TBC1D19: variants seen among roughly 807,000 people sequenced by gnomAD.
TBC1D19 encodes the protein TBC1 domain family member 19.
Under a neutral mutation model 89.0 loss-of-function variants are expected in TBC1D19, and 60 were observed. The ratio of observed to expected loss-of-function variants is 0.67; its 90% CI spans 0.55 to 0.84. The LOEUF (loss-of-function observed/expected upper bound fraction) is 0.84, where lower values mean the gene tolerates loss of function less well. Ranked by LOEUF, TBC1D19 falls within the 40% of genes least tolerant of loss-of-function variation. The probability of loss-of-function intolerance (pLI) is 0.00; values close to 1 mark genes in which losing one functional copy is unlikely to be tolerated. For synonymous variants in TBC1D19, 189 were observed against 199.7 expected (o/e 0.95, Z 0.45); for missense variants, 500 against 610.8 (o/e 0.82, Z 1.91).
chr4:26,816,088 T>G, the TBC1D19 span, among the ~76,000 whole-genome samples: 1 of 152,156 alleles, frequency 6.6e-6, no homozygotes, highest in Admixed American at 6.5e-5. Flanking sequence ...TCACGTGCCT[T>G]TGGTTATACC....
At chr4:26,613,506 T>C (rs1416036752) in intron 2 of TBC1D19, among the ~76,000 whole-genome samples, 2 of 152,172 alleles carry the variant, frequency 1.3e-5, no homozygotes, top group African/African-American at 4.8e-5. Context: ...TCTTGGATAC[T>C]CTTGTAAGGC....
At chr4:26,806,911 G>A in the TBC1D19 span, among the ~76,000 whole-genome samples, 4 of 152,168 alleles carry the variant, frequency 2.6e-5, no homozygotes, top group Non-Finnish European at 4.4e-5. Flanking sequence ...AGGAAGGGTC[G>A]TCTCCTAGAG....
intron 8 of TBC1D19, among the ~76,000 whole-genome samples, chr4:26,662,413 C>T (rs989489620): frequency 4.0e-5 from 6 of 151,506 alleles, no homozygotes; most frequent in African/African-American, 1.5e-4. Context: ...AAGCAAAAAG[C>T]CAAAGAAATG....
chr4:26,777,521 C>T, the TBC1D19 span, among the ~76,000 whole-genome samples: 1 of 152,220 alleles, frequency 6.6e-6, no homozygotes, highest in African/African-American at 2.4e-5. Flanking sequence ...TCACTGTAAC[C>T]TCCGCCTCCT....
chr4:26,786,362 C>T, the TBC1D19 span, among the ~76,000 whole-genome samples: 16 of 152,244 alleles, frequency 1.1e-4, no homozygotes, highest in South Asian at 6.2e-4. Flanking sequence ...CAGCCGGGCA[C>T]GGTGGCTCAC....
chr4:26,841,385 CAAAA>C, the TBC1D19 span, among the ~76,000 whole-genome samples: 4 of 110,256 alleles, frequency 3.6e-5, no homozygotes, highest in Admixed American at 8.9e-5. Context: ...GACTCTGTCT[CAAAA>C]AAAAAAAAAA....
the TBC1D19 span, among the ~76,000 whole-genome samples, chr4:26,781,050 CACTT>C: frequency 3.3e-5 from 5 of 152,246 alleles, no homozygotes; most frequent in South Asian, 2.1e-4. Context: ...TTCTTGCTCT[CACTT>C]ACTATTTTCA....
chr4:26,834,330 C>T, the TBC1D19 span, among the ~76,000 whole-genome samples: 108,274 of 152,106 alleles, frequency 0.71, 39,249 homozygotes, highest in South Asian at 0.81. Flanking sequence ...TGATAATGCC[C>T]TGTGGTCATA....
intron 13 of TBC1D19, among the ~76,000 whole-genome samples, chr4:26,715,467 G>T (rs1200767086): frequency 6.6e-6 from 1 of 152,080 alleles, no homozygotes; most frequent in Admixed American, 6.6e-5. Flanking sequence ...TGGAGACGAG[G>T]ATACCAAAGG....
chr4:26,613,238 T>C lies in TBC1D19; in HGVS notation c.169T>C (p.Ser57Pro), dbSNP rs754659031. 5.8e-6 allele frequency: 9 copies of C among 1,559,374 alleles called. No homozygotes were observed. The highest frequency in any genetic ancestry group is 7.8e-6 in the Non-Finnish European group (9 of 1,146,988). ...KEDIKEFFKI[S>P]GWEKKLQNAV... is the part of the protein sequence containing the mutation. ...AGATATTAAGGAATTCTTTAAAATA[T>C]CAGGTTTGTAAGTTTTTCCTAATAA... The change falls in exon 2 of 21, where the codon TCA becomes CCA. Residue 57 changes from serine (S) to proline (P), a missense_variant. Coordinates refer to ENST00000264866, the MANE Select transcript of TBC1D19 (RefSeq NM_018317.4).
the TBC1D19 span, among the ~76,000 whole-genome samples, chr4:26,835,782 A>G: frequency 6.6e-6 from 1 of 152,172 alleles, no homozygotes. Context: ...CGTTTCTACT[A>G]TAAACCTTCA....
chr4:26,640,057 C>A, intron 6 of TBC1D19, 84 bp from the exon 7 acceptor site: 1 of 934,916 alleles, frequency 1.1e-6, no homozygotes, highest in Non-Finnish European at 1.7e-6. Flanking sequence ...TGTATGATAA[C>A]ATGTGAAAGA....
At chr4:26,671,238 T>C (rs1712275213) in intron 9 of TBC1D19, among the ~76,000 whole-genome samples, 1 of 151,768 alleles carries the variant, frequency 6.6e-6, no homozygotes, top group African/African-American at 2.4e-5. Flanking sequence ...GCTATTGTGG[T>C]GGTTGTGTAT....
At chr4:26,628,623 C>T (rs183810646) in intron 4 of TBC1D19, among the ~76,000 whole-genome samples, 1 of 152,136 alleles carries the variant, frequency 6.6e-6, no homozygotes, top group Admixed American at 6.6e-5. Flanking sequence ...CTGTCTCAGC[C>T]CAAAATCTCC....
intron 7 of TBC1D19, among the ~76,000 whole-genome samples, chr4:26,643,358 A>G (rs2110084425): frequency 6.6e-6 from 1 of 152,372 alleles, no homozygotes; most frequent in African/African-American, 2.4e-5. Flanking sequence ...AGGCAGAAAT[A>G]AAGATGCTCT....
intron 12 of TBC1D19, among the ~76,000 whole-genome samples, chr4:26,686,418 G>GTTT (rs935540080): frequency 7.0e-6 from 1 of 142,486 alleles, no homozygotes; most frequent in Non-Finnish European, 1.6e-5. Context: ...TTTGTGTTTT[G>GTTT]TTTTTTTTTT....
In TBC1D19 at chr4:26,734,900, A is replaced by G. The variant is rs573319901; in HGVS notation, c.1085-555A>G. Among the ~76,000 whole-genome samples, 27 of 151,736 alleles carry G rather than the reference A, an allele frequency of 1.8e-4. No individual in the cohort carries two copies. In the South Asian group the frequency reaches 5.6e-3, roughly 32 times the overall value. ...TGTATATGTATACGTATGTGTGTGTATATATACACACATGTGTACATACAC... is the reference window on the plus strand; with the variant it reads ...TGTATATGTATACGTATGTGTGTGTGTATATACACACATGTGTACATACAC... On this transcript the variant is annotated intron_variant, in intron 15 of 20. Transcript: ENST00000264866.
chr4:26,692,914 G>A (rs1478652199), intron 13 of TBC1D19, among the ~76,000 whole-genome samples: 3 of 152,152 alleles, frequency 2.0e-5, no homozygotes, highest in African/African-American at 7.2e-5. Context: ...ATCTGGCTGT[G>A]ATATCGAGAA....
chr4:26,621,810 G>GT (rs1043623304), intron 4 of TBC1D19, among the ~76,000 whole-genome samples: 30 of 150,666 alleles, frequency 2.0e-4, no homozygotes, highest in African/African-American at 3.9e-4. Context: ...AGAATTGTGG[G>GT]TTTTTTTTTG....
Sources: gnomAD v4.1 joint callset for allele counts (sites outside exome capture counted in the v4.1 genomes callset) on GRCh38, gnomAD v4.1.1 for gene constraint, MANE v1.5 for transcripts, NCBI Gene and HGNC (gene_info 2026-07-23, HGNC 2026-07-21) for gene names.